The following ERMAP variants were observed in gnomAD, a reference collection of about 807,000 sequenced individuals.
ERMAP encodes erythroid membrane-associated protein.
Under a neutral mutation model 49.5 loss-of-function variants are expected in ERMAP, and 34 were observed. That is an observed-to-expected ratio of 0.69 (90% confidence interval 0.52 to 0.91). ERMAP has a LOEUF of 0.91. Among genes scored for constraint, ERMAP ranks in the 40% least tolerant of loss-of-function variants. ERMAP has a pLI of 0.00. For missense variants in ERMAP, 541 were observed against 582.6 expected (o/e 0.93, Z 0.74); for synonymous variants, 214 against 232.2 (o/e 0.92, Z 0.71).
chr1:42,831,223 G>GTTTTTT, intron 4 of ERMAP, 108 bp downstream of exon 4: 1 of 1,337,836 alleles, frequency 7.5e-7, no homozygotes, highest in Admixed American at 2.4e-5. Context: ...CTGCAGTGTA[G>GTTTTTT]TTTTTACTTG....
intron 7 of ERMAP, among the ~76,000 whole-genome samples, chr1:42,838,201 A>T (rs1654957519): frequency 6.6e-6 from 1 of 152,206 alleles, no homozygotes; most frequent in South Asian, 2.1e-4. Context: ...AGTAGTGGAG[A>T]TGGTAACAAT....
chr1:42,843,145 G>A lies in ERMAP; in HGVS notation c.1341G>A (p.Pro447=), dbSNP rs747086061. 33 of 1,613,936 alleles carry A rather than the reference G, an allele frequency of 2.0e-5. No individual in the cohort carries two copies. The highest frequency in any genetic ancestry group is 6.6e-5 in the South Asian group (6 of 91,070). The part of the protein sequence containing the change: ...SLKVNSSLLP[P]KAPELKDIIL... ...AGGTGAACTCTTCTTTACTACCCCC[G>A]AAGGCCCCAGAGCTGAAGGATATAA... The change falls in exon 12 of 12, where the codon CCG becomes CCA. Residue 447 remains proline (P), a synonymous_variant. Coordinates refer to ENST00000372517, the MANE Select transcript of ERMAP (RefSeq NM_001017922.2).
Position 42,817,299 on chromosome 1 carries a change from C to A in ERMAP, c.-122+46C>A, listed in dbSNP as rs938176621. 38 of 1,198,196 alleles carry A rather than the reference C, an allele frequency of 3.2e-5. No homozygotes were observed. In the African/African-American group the frequency reaches 4.4e-4, roughly 14 times the overall value. 74.2% of individuals were successfully genotyped at this position (1,198,196 alleles called of 1,614,324 possible). ...ACCACTGGACCCAGCGCTGCCTGCC[C>A]ACCGCCCCTCGTCCTGGGCGGGGCC... On this transcript the variant is annotated intron_variant, in intron 1 of 11. Coordinates refer to ENST00000372517, the MANE Select transcript of ERMAP (RefSeq NM_001017922.2).
chr1:42,835,048 G>A lies in ERMAP; in HGVS notation c.444G>A (p.Val148=). Residue 148 remains valine (V), a synonymous_variant, in exon 5 of 12, where the codon GTG becomes GTA. Transcript: ENST00000372517. ...TVILQVAAPS[V]GSLSPSAVAL... is the part of the protein sequence containing the mutation. ...TGGTTTCTGTTTCAGCCCCATCTGT[G>A]GGGAGTCTCTCCCCCTCAGCAGTGG... 7.1e-7 allele frequency: 1 copy of A among 1,406,964 alleles called. No individual in the cohort carries two copies. The highest frequency in any genetic ancestry group is 1.1e-5 in the South Asian group (1 of 86,970). The allele number at this position is 1,406,964 out of a possible 1,614,324, so 87.2% of individuals were successfully genotyped here.
At chr1:42,820,354 G>A (rs560137626) in intron 1 of ERMAP, among the ~76,000 whole-genome samples, 2 of 148,974 alleles carry the variant, frequency 1.3e-5, no homozygotes, top group African/African-American at 2.5e-5. Context: ...CTTCAATTCT[G>A]GGAAACGTTC....
At chr1:42,830,730 C>A (rs565545614) in intron 3 of ERMAP, 38 bp from the exon 4 acceptor site, 1 of 1,487,256 alleles carries the variant, frequency 6.7e-7, no homozygotes, top group Non-Finnish European at 9.0e-7. Context: ...TTTCTCCTGC[C>A]GTCCCTCCCA....
At position 42,819,265 on chromosome 1, in the gene ERMAP, A is replaced by C. The variant is rs1365993854; in HGVS notation, c.-122+2012A>C. On this transcript the variant is annotated intron_variant, in intron 1 of 11. Transcript: ENST00000372517. The surrounding 1 kb of genome is among the most constrained non-coding windows in gnomAD (Gnocchi z 5.1). ...AGAGCTAGATTACGCTTCAAGTGGC[A>C]ATAGGCAAGAAGAATTGTCCAGTGA... Among the ~76,000 whole-genome samples, 1 of 152,040 alleles carries C rather than the reference A, an allele frequency of 6.6e-6. No homozygotes were observed. The highest frequency in any genetic ancestry group is 2.4e-5 in the African/African-American group (1 of 41,394).
intron 6 of ERMAP, among the ~76,000 whole-genome samples, chr1:42,836,019 T>C (rs1654885598): frequency 6.6e-6 from 1 of 152,174 alleles, no homozygotes; most frequent in South Asian, 2.1e-4. Context: ...TCGAGTAGCT[T>C]GAACATGGGG....
chr1:42,836,460 G>A (rs1045988436), intron 6 of ERMAP, among the ~76,000 whole-genome samples: 8 of 152,184 alleles, frequency 5.3e-5, no homozygotes, highest in African/African-American at 1.7e-4. Flanking sequence ...GAGTGAGGCG[G>A]AGCTGAGCCT....
chr1:42,822,787 T>A (rs939365935), intron 1 of ERMAP, among the ~76,000 whole-genome samples: 4 of 152,238 alleles, frequency 2.6e-5, no homozygotes, highest in Non-Finnish European at 4.4e-5. Context: ...CTCCAGCCTC[T>A]AGTAACCTCT....
chr1:42,819,177 G>A lies in ERMAP; in HGVS notation c.-122+1924G>A, dbSNP rs1470393188. The stretch of plus-strand genomic sequence containing the variant: ...AAGAGGATAAGTTAGGAGCGTGTGT[G>A]TGTGTGTGTGTGTGTGTGTGTGTGT... On this transcript the variant is annotated intron_variant, in intron 1 of 11. Coordinates refer to ENST00000372517, the MANE Select transcript of ERMAP (RefSeq NM_001017922.2). This position sits in a 1 kb window ranked among gnomAD's most constrained non-coding sequence, Gnocchi z 5.1. Among the ~76,000 whole-genome samples, 3 of 51,850 alleles carry A rather than the reference G, an allele frequency of 5.8e-5. No homozygotes were observed. The highest frequency in any genetic ancestry group is 1.8e-4 in the African/African-American group (3 of 16,238). 34.0% of individuals were successfully genotyped at this position (51,850 alleles called of 152,430 possible). A position where few individuals can be genotyped will look rare whatever the true frequency, so the allele number is the denominator to read the frequency against.
chr1:42,834,172 C>T (rs1054535781), intron 4 of ERMAP, among the ~76,000 whole-genome samples: 5 of 152,216 alleles, frequency 3.3e-5, no homozygotes, highest in African/African-American at 1.2e-4. Flanking sequence ...ACTACTTCTA[C>T]CCATAGCCCG....
intron 1 of ERMAP, chr1:42,824,524 G>A (rs1654488399): frequency 6.6e-6 from 1 of 152,226 alleles, no homozygotes; most frequent in African/African-American, 2.4e-5. Context: ...ATTAATTTCA[G>A]TGTCTTAATT....
intron 6 of ERMAP, 65 bp from the exon 7 acceptor site, chr1:42,837,093 A>G: frequency 6.4e-7 from 1 of 1,572,222 alleles, no homozygotes; most frequent in African/African-American, 1.4e-5. Flanking sequence ...GGTAAAATCA[A>G]TAGGAATCAG....
In ERMAP at chr1:42,840,198, C is replaced by T. The variant is rs756945033; in HGVS notation, c.685+20C>T. The T allele has an allele frequency of 7.4e-6, 12 of 1,614,202 alleles. No homozygotes were observed. Among genetic ancestry groups the T allele is most frequent in the Non-Finnish European group, 1.0e-5 (12 of 1,180,032 alleles). ...ACTCAGGTGAGATGCACTTTCTCCA[C>T]ATTTGACCACCACCCTACAGGAGTT... is the stretch of plus-strand genomic sequence containing the variant. On this transcript the variant is annotated intron_variant, in intron 10 of 11. Transcript: ENST00000372517.
chr1:42,840,237 G>C (rs886293460), intron 10 of ERMAP, 33 bp from the exon 11 acceptor site: 9 of 1,613,966 alleles, frequency 5.6e-6, no homozygotes, highest in East Asian at 2.2e-5. Flanking sequence ...GATGTCTCTG[G>C]TACTTTAATG....
In ERMAP at chr1:42,819,943, A is replaced by G. The variant is rs1654363344; in HGVS notation, c.-122+2690A>G. ...TGCTCTCTGGATCTTATGTTTTTCC[A>G]TTCTTGGTTTATTCTCTCATTTTGG... On this transcript the variant is annotated intron_variant, in intron 1 of 11. Transcript: ENST00000372517. This position sits in a 1 kb window ranked among gnomAD's most constrained non-coding sequence, Gnocchi z 5.1. 6.6e-6 allele frequency among the ~76,000 whole-genome samples: 1 copy of G among 151,898 alleles called. No homozygotes were observed. Among genetic ancestry groups the G allele is most frequent in the South Asian group, 2.1e-4 (1 of 4,820 alleles).
chr1:42,833,130 T>C (rs541458689), intron 4 of ERMAP, among the ~76,000 whole-genome samples: 21 of 152,366 alleles, frequency 1.4e-4, no homozygotes, highest in Non-Finnish European at 2.1e-4. Context: ...GCTGTGGTCA[T>C]AACAAGTAAA....
Position 42,835,183 on chromosome 1 carries a change from G to C in ERMAP, c.550+29G>C, listed in dbSNP as rs1654857442. 3 of 928,876 alleles carry C rather than the reference G, an allele frequency of 3.2e-6. No individual in the cohort carries two copies. The East Asian group carries it at 7.2e-5, about 22-fold the overall frequency. 57.5% of individuals were successfully genotyped at this position (928,876 alleles called of 1,614,324 possible). ...ATTAAATGGTAAGGGAGCTCAGGCTGGTGGGAAGTGGGACTATGACTGCTC... is the reference window on the plus strand; with the variant it reads ...ATTAAATGGTAAGGGAGCTCAGGCTCGTGGGAAGTGGGACTATGACTGCTC... On this transcript the variant is annotated intron_variant, in intron 5 of 11. Coordinates refer to ENST00000372517, the MANE Select transcript of ERMAP (RefSeq NM_001017922.2).
Sources: gnomAD v4.1 joint callset for allele counts (sites outside exome capture counted in the v4.1 genomes callset) on GRCh38, gnomAD v4.1.1 for gene constraint, Gnocchi (gnomAD v3.1) non-coding constraint, MANE v1.5 for transcripts, NCBI Gene and HGNC (gene_info 2026-07-23, HGNC 2026-07-21) for gene names.